Variants in ADGRV1 observed in about 807,000 individuals in gnomAD.
ADGRV1 encodes the protein G-protein coupled receptor 98.
In ADGRV1, 359 loss-of-function variants were observed where a neutral mutation model predicts 596.2. The observed-to-expected ratio is 0.60, with a 90% CI of 0.55 to 0.66. The LOEUF (loss-of-function observed/expected upper bound fraction) is 0.66, where lower values mean the gene tolerates loss of function less well. ADGRV1 is among the 30% of genes least tolerant of loss of function. ADGRV1 has a pLI of 0.00. For missense variants in ADGRV1, 7,274 were observed against 7,575.6 expected, an observed-to-expected ratio of 0.96 and a Z score of 1.48; for synonymous variants, 2,681 against 2,679.2, an observed-to-expected ratio of 1.00 and a Z score of -0.02.
At chr5:90,979,783 C>G (rs1370331542) in intron 84 of ADGRV1, among the ~76,000 whole-genome samples, 1 of 152,150 alleles carries the variant, frequency 6.6e-6, no homozygotes, top group Non-Finnish European at 1.5e-5. Context: ...CCTTTTACCA[C>G]AGAAGGAAAT....
At chr5:90,615,432 T>C (rs1026784601) in intron 2 of ADGRV1, among the ~76,000 whole-genome samples, 3 of 151,874 alleles carry the variant, frequency 2.0e-5, no homozygotes, top group Non-Finnish European at 4.4e-5. Flanking sequence ...AGAGCTCTTT[T>C]AGTGGGAAAA....
chr5:90,868,878 A>C (rs1768393086), intron 83 of ADGRV1, among the ~76,000 whole-genome samples: 1 of 152,114 alleles, frequency 6.6e-6, no homozygotes, highest in Non-Finnish European at 1.5e-5. Context: ...TGACTGAGTG[A>C]CCATTCAACA....
chr5:90,978,177 C>G (rs1024092371), intron 84 of ADGRV1, among the ~76,000 whole-genome samples: 1 of 151,922 alleles, frequency 6.6e-6, no homozygotes, highest in African/African-American at 2.4e-5. Flanking sequence ...CGCCTGTAGT[C>G]CCAGCTACTA....
At chr5:90,632,784 A>G (rs1449652611) in intron 9 of ADGRV1, among the ~76,000 whole-genome samples, 1 of 152,204 alleles carries the variant, frequency 6.6e-6, no homozygotes, top group Admixed American at 6.5e-5. Flanking sequence ...TTATGTATCT[A>G]TATAGTTAAA....
Position 90,774,245 on chromosome 5 carries a change from C to G in ADGRV1, c.12345C>G (p.Asp4115Glu), listed in dbSNP as rs781484901. 5 of 1,611,334 alleles carry G rather than the reference C, an allele frequency of 3.1e-6. No homozygotes were observed. The change falls in exon 60 of 90, where the codon GAC becomes GAG. Residue 4115 changes from aspartate to glutamate, a missense_variant. By Grantham distance (45) the Asp-to-Glu change is conservative. This residue lies in a region of ADGRV1 where 3,643 missense variants were observed against 3,809.2 expected (regional missense o/e 0.96). Coordinates refer to ENST00000405460, the MANE Select transcript of ADGRV1 (RefSeq NM_032119.4). ...TTCAAGACACAGTGTTGGAGGAGGA[C>G]AGGCGTTTCACCATTCAGCTGATAT... is the stretch of plus-strand genomic sequence containing the variant. ...HTLQDTVLEE[D>E]RRFTIQLISI...
intron 1 of ADGRV1, among the ~76,000 whole-genome samples, chr5:90,562,144 C>G (rs1484720947): frequency 6.6e-6 from 1 of 152,070 alleles, no homozygotes; most frequent in Non-Finnish European, 1.5e-5. Flanking sequence ...CAGTAAAGTT[C>G]TATTTAGTTT....
Position 90,628,755 on chromosome 5 carries a change from G to C in ADGRV1, c.1432G>C (p.Glu478Gln), listed in dbSNP as rs1438790668. Reference protein sequence around the residue: ...PLTVVDDDLPEEAEAYLLQIL... With the variant: ...PLTVVDDDLPQEAEAYLLQIL... Reference sequence around the variant, plus strand: ...TACTGTGGTTGATGATGATCTTCCAGAAGAGGCAGAAGCTTATCTACTTCA... The same window carrying C: ...TACTGTGGTTGATGATGATCTTCCACAAGAGGCAGAAGCTTATCTACTTCA... The change falls in exon 8 of 90, where the codon GAA becomes CAA. Residue 478 changes from glutamate (E) to glutamine (Q), a missense_variant. By Grantham distance (29) the Glu-to-Gln change is conservative. This residue lies in a region of ADGRV1 where 1,715 missense variants were observed against 1,708.8 expected (regional missense o/e 1.00). Transcript: ENST00000405460. The C allele has an allele frequency of 6.2e-7, 1 of 1,613,964 alleles. No individual in the cohort carries two copies. Among genetic ancestry groups the C allele is most frequent in the Non-Finnish European group, 8.5e-7 (1 of 1,179,854 alleles).
chr5:91,100,450 AAAAGAAAAGAG>A (rs1407813600), intron 86 of ADGRV1, among the ~76,000 whole-genome samples: 6 of 152,000 alleles, frequency 3.9e-5, no homozygotes, highest in Admixed American at 3.3e-4. Flanking sequence ...AAGGAGAGGA[AAAAGAAAAGAG>A]AAAGAAAACA....
intron 39 of ADGRV1, among the ~76,000 whole-genome samples, chr5:90,709,571 A>G (rs1749066130): frequency 1.3e-5 from 2 of 152,224 alleles, no homozygotes; most frequent in Admixed American, 1.3e-4. Context: ...GGACAGGGGA[A>G]AGTTAATTTG....
At chr5:90,923,400 T>C (rs1774074842) in intron 83 of ADGRV1, among the ~76,000 whole-genome samples, 1 of 151,976 alleles carries the variant, frequency 6.6e-6, no homozygotes, top group Non-Finnish European at 1.5e-5. Context: ...AAAGAAATTG[T>C]TTTTTAAAAA....
intron 86 of ADGRV1, among the ~76,000 whole-genome samples, chr5:91,083,457 A>G (rs1391958414): frequency 3.3e-5 from 5 of 152,212 alleles, no homozygotes; most frequent in Non-Finnish European, 7.3e-5. Flanking sequence ...TCAACAGTTT[A>G]CATATTATAA....
Position 91,004,419 on chromosome 5 carries a change from A to G in ADGRV1, c.18152+18897A>G, listed in dbSNP as rs149801142. Among the ~76,000 whole-genome samples, 82 of 152,222 alleles carry G rather than the reference A, an allele frequency of 5.4e-4. No individual in the cohort carries two copies. In the East Asian group the frequency reaches 0.015, roughly 28 times the overall value. On this transcript the variant is annotated intron_variant, in intron 85 of 89. Transcript: ENST00000405460. The stretch of plus-strand genomic sequence containing the variant: ...ATCGGCTTTATAAATTAGATTCTGA[A>G]TCCTCCCGGTCCTAAAAAAAAAAAA...
chr5:90,747,419 A>G (rs1227968556), intron 52 of ADGRV1, among the ~76,000 whole-genome samples: 2 of 152,130 alleles, frequency 1.3e-5, no homozygotes, highest in African/African-American at 4.8e-5. Context: ...ATCCATGGCT[A>G]TGATTTATTA....
intron 86 of ADGRV1, among the ~76,000 whole-genome samples, chr5:91,082,661 A>G (rs115424275): frequency 0.018 from 2,685 of 152,244 alleles, 73 homozygotes; most frequent in African/African-American, 0.06. Context: ...ACTTGACTAG[A>G]GAGTAGAAAA....
At position 91,163,783 on chromosome 5, in the gene ADGRV1, T is replaced by C; in HGVS notation, c.18804T>C (p.Gly6268=). The change falls in exon 90 of 90, where the codon GGT becomes GGC. Residue 6268 remains glycine, a splice_region_variant and synonymous_variant. Transcript: ENST00000405460. ...GTGTTCATTCTATTTCTGTGGCAGG[T>C]GCTGGTCTCAGTGTCAGTGATAATG... ...FDDLIFALKT[G]AGLSVSDNES... 1 of 1,397,618 alleles carries C rather than the reference T, an allele frequency of 7.2e-7. No homozygotes were observed. The highest frequency in any genetic ancestry group is 9.9e-7 in the Non-Finnish European group (1 of 1,013,590). 86.6% of individuals were successfully genotyped at this position (1,397,618 alleles called of 1,614,324 possible).
intron 45 of ADGRV1, among the ~76,000 whole-genome samples, chr5:90,724,068 G>A (rs1751439265): frequency 6.6e-6 from 1 of 151,570 alleles, no homozygotes; most frequent in Non-Finnish European, 1.5e-5. Context: ...AATTAGATAG[G>A]CATAATTTCA....
chr5:90,797,287 C>CAAAAAAAAAAAAAAAAAAA (rs780696194), intron 70 of ADGRV1, among the ~76,000 whole-genome samples: 2 of 26,348 alleles, frequency 7.6e-5, no homozygotes, highest in African/African-American at 1.4e-4. Flanking sequence ...AAATGAAAAG[C>CAAAAAAAAAAAAAAAAAAA]AAAAAAAAAA....
At chr5:90,748,059 T>C (rs1487957806) in intron 52 of ADGRV1, among the ~76,000 whole-genome samples, 3 of 152,210 alleles carry the variant, frequency 2.0e-5, no homozygotes, top group African/African-American at 7.2e-5. Flanking sequence ...TAGGAATTAT[T>C]ACAGTAATAA....
At chr5:90,741,161 G>A (rs942056996) in intron 50 of ADGRV1, among the ~76,000 whole-genome samples, 1 of 151,956 alleles carries the variant, frequency 6.6e-6, no homozygotes, top group Non-Finnish European at 1.5e-5. Flanking sequence ...TCATCCCTGT[G>A]GAATGCCCAT....
Sources: allele counts gnomAD v4.1 joint callset (sites outside exome capture counted in the v4.1 genomes callset), GRCh38; gene constraint gnomAD v4.1.1; regional missense constraint gnomAD v4.1.1; transcripts MANE v1.5; gene names NCBI Gene and HGNC (gene_info 2026-07-23, HGNC 2026-07-21).